Variants in SH3GL2 observed in about 807,000 individuals in gnomAD.
SH3GL2 encodes SH3 domain containing GRB2 like 2, endophilin A1.
A neutral mutation model predicts 46.0 loss-of-function variants in SH3GL2; 24 were observed. The observed-to-expected ratio is 0.52, with a 90% CI of 0.38 to 0.73. SH3GL2 has a LOEUF of 0.73. Among genes scored for constraint, SH3GL2 ranks in the 30% least tolerant of loss-of-function variants. The probability of loss-of-function intolerance (pLI) is 0.00; values close to 1 mark genes in which losing one functional copy is unlikely to be tolerated. For synonymous variants in SH3GL2, 196 were observed against 147.1 expected (o/e 1.33, Z -2.40); for missense variants, 413 against 424.2 (o/e 0.97, Z 0.23).
intron 1 of SH3GL2, among the ~76,000 whole-genome samples, chr9:17,666,007 G>T (rs1820332899): frequency 6.6e-6 from 1 of 150,950 alleles, no homozygotes; most frequent in African/African-American, 2.4e-5. Flanking sequence ...CACCGCCTAA[G>T]AAACATGGCT....
chr9:17,729,303 T>C (rs116892721), intron 1 of SH3GL2, among the ~76,000 whole-genome samples: 1,548 of 138,168 alleles, frequency 0.011, 15 homozygotes, highest in Middle Eastern at 0.025. Flanking sequence ...CGCCCACTTT[T>C]TGATGGGGAT....
At chr9:17,672,146 C>G (rs1381594430) in intron 1 of SH3GL2, among the ~76,000 whole-genome samples, 3 of 152,146 alleles carry the variant, frequency 2.0e-5, no homozygotes, top group African/African-American at 7.2e-5. Context: ...TTTAAAGATT[C>G]TTAAGCTGTC....
intron 5 of SH3GL2, among the ~76,000 whole-genome samples, chr9:17,788,687 T>C (rs1824032237): frequency 6.6e-6 from 1 of 152,036 alleles, no homozygotes; most frequent in African/African-American, 2.4e-5. Flanking sequence ...GCATGGAGCA[T>C]TAGATATAAT....
chr9:17,715,887 G>T (rs1821744049), intron 1 of SH3GL2, among the ~76,000 whole-genome samples: 1 of 152,012 alleles, frequency 6.6e-6, no homozygotes, highest in African/African-American at 2.4e-5. Context: ...AGCCTATTTT[G>T]TAAGAAAGTG....
Position 17,789,566 on chromosome 9 carries a change from G to T in SH3GL2, c.624+16G>T. ...GGAGATGGATGTAAGTGACTCCTGT[G>T]GTTTTCAATTTAATCTTATCATCGA... On this transcript the variant is annotated intron_variant, in intron 6 of 8. Transcript: ENST00000380607. The T allele has an allele frequency of 6.2e-7, 1 of 1,612,498 alleles. No homozygotes were observed. The highest frequency in any genetic ancestry group is 8.5e-7 in the Non-Finnish European group (1 of 1,179,036).
chr9:17,682,077 T>G (rs1792899265), intron 1 of SH3GL2, among the ~76,000 whole-genome samples: 1 of 152,088 alleles, frequency 6.6e-6, no homozygotes, highest in African/African-American at 2.4e-5. Flanking sequence ...GATGTGAGCC[T>G]GTGGAGAAAT....
At chr9:17,611,568 C>T (rs1012701022) in intron 1 of SH3GL2, among the ~76,000 whole-genome samples, 4 of 152,190 alleles carry the variant, frequency 2.6e-5, no homozygotes, top group African/African-American at 9.7e-5. Context: ...ATCTGAGACT[C>T]TGTGACTGGT....
chr9:17,600,257 A>G (rs1050867673), intron 1 of SH3GL2, among the ~76,000 whole-genome samples: 1 of 152,260 alleles, frequency 6.6e-6, no homozygotes, highest in African/African-American at 2.4e-5. Flanking sequence ...CCTCTTAAGC[A>G]TCAATGTTCT....
intron 1 of SH3GL2, among the ~76,000 whole-genome samples, chr9:17,613,370 A>G (rs1818912043): frequency 6.6e-6 from 1 of 152,212 alleles, no homozygotes; most frequent in Non-Finnish European, 1.5e-5. Context: ...GTGCCTTTAT[A>G]AAATATGGAG....
chr9:17,645,868 A>G (rs1819802946), intron 1 of SH3GL2, among the ~76,000 whole-genome samples: 1 of 151,946 alleles, frequency 6.6e-6, no homozygotes, highest in African/African-American at 2.4e-5. Context: ...GCTCTTCTTG[A>G]GGAGTATCTT....
chr9:17,743,600 AC>A (rs1554645787), intron 1 of SH3GL2, among the ~76,000 whole-genome samples: 1 of 146,162 alleles, frequency 6.8e-6, no homozygotes, highest in African/African-American at 2.5e-5. Context: ...ACACACACAC[AC>A]CCCAAATAGT....
At chr9:17,785,915 G>A (rs141481420) in intron 3 of SH3GL2, among the ~76,000 whole-genome samples, 6 of 152,212 alleles carry the variant, frequency 3.9e-5, no homozygotes, top group African/African-American at 1.2e-4. Flanking sequence ...AAGGCATAAG[G>A]CCCACTCTGC....
chr9:17,785,907 G>A (rs1404986711), intron 3 of SH3GL2, among the ~76,000 whole-genome samples: 1 of 152,076 alleles, frequency 6.6e-6, no homozygotes, highest in Admixed American at 6.5e-5. Flanking sequence ...AGTGAAACAA[G>A]GCATAAGGCC....
chr9:17,659,920 A>G (rs1175949070), intron 1 of SH3GL2, among the ~76,000 whole-genome samples: 4 of 152,172 alleles, frequency 2.6e-5, no homozygotes, highest in African/African-American at 7.2e-5. Flanking sequence ...GGAATTTACT[A>G]ATATCTGAGA....
At chr9:17,760,207 A>G (rs1057486475) in intron 2 of SH3GL2, among the ~76,000 whole-genome samples, 1 of 152,206 alleles carries the variant, frequency 6.6e-6, no homozygotes, top group Admixed American at 6.5e-5. Flanking sequence ...TTGAAATTGC[A>G]TCCTTCTAAA....
At chr9:17,737,846 T>C (rs543237793) in intron 1 of SH3GL2, among the ~76,000 whole-genome samples, 2 of 152,170 alleles carry the variant, frequency 1.3e-5, no homozygotes, top group South Asian at 4.1e-4. Flanking sequence ...ATATGCCACA[T>C]GTTTTGCTTG....
intron 1 of SH3GL2, among the ~76,000 whole-genome samples, chr9:17,639,601 G>T (rs1360322596): frequency 6.6e-6 from 1 of 152,194 alleles, no homozygotes; most frequent in Non-Finnish European, 1.5e-5. Context: ...AAACATTATG[G>T]TTGTATAAGA....
At chr9:17,774,194 TG>T (rs1823575332) in intron 3 of SH3GL2, among the ~76,000 whole-genome samples, 2 of 152,162 alleles carry the variant, frequency 1.3e-5, no homozygotes, top group African/African-American at 2.4e-5. Flanking sequence ...GACAGCTTTT[TG>T]TGGGAAATCT....
At chr9:17,595,468 C>G (rs1292778318) in intron 1 of SH3GL2, among the ~76,000 whole-genome samples, 1 of 152,116 alleles carries the variant, frequency 6.6e-6, no homozygotes, top group South Asian at 2.1e-4. Flanking sequence ...ACATGGATCC[C>G]CGTTTATGGT....
Sources: allele counts gnomAD v4.1 joint callset (sites outside exome capture counted in the v4.1 genomes callset), GRCh38; gene constraint gnomAD v4.1.1; transcripts MANE v1.5; gene names NCBI Gene and HGNC (gene_info 2026-07-23, HGNC 2026-07-21).